NMT2: variants seen among roughly 807,000 people sequenced by gnomAD.
NMT2 encodes the protein N-myristoyltransferase 2, also known as glycylpeptide N-tetradecanoyltransferase 2.
Under a neutral mutation model 65.4 loss-of-function variants are expected in NMT2, and 35 were observed. The ratio of observed to expected loss-of-function variants is 0.54; its 90% CI spans 0.41 to 0.71. The LOEUF is 0.71. Ranked by LOEUF, NMT2 falls within the 30% of genes least tolerant of loss-of-function variation. The pLI is 0.00. For missense variants in NMT2, 489 were observed against 611.3 expected, an observed-to-expected ratio of 0.80 and a Z score of 2.11; for synonymous variants, 226 against 231.8, an observed-to-expected ratio of 0.98 and a Z score of 0.23.
At chr10:15,160,884 G>C (rs1015688836) in intron 1 of NMT2, among the ~76,000 whole-genome samples, 1 of 151,700 alleles carries the variant, frequency 6.6e-6, no homozygotes, top group Non-Finnish European at 1.5e-5. Context: ...CTGAAAACAA[G>C]TTAAAACAGA....
intron 8 of NMT2, among the ~76,000 whole-genome samples, chr10:15,124,482 A>G (rs1846018649): frequency 6.6e-6 from 1 of 152,222 alleles, no homozygotes; most frequent in Non-Finnish European, 1.5e-5. Context: ...AATGTCGAGC[A>G]TAACGCCGGC....
chr10:15,132,249 A>G (rs986715117), intron 6 of NMT2, among the ~76,000 whole-genome samples: 3 of 151,852 alleles, frequency 2.0e-5, no homozygotes, highest in African/African-American at 7.3e-5. Flanking sequence ...AAAAGAAACC[A>G]TTGTCCTTTA....
chr10:15,148,877 A>C (rs10906840), intron 1 of NMT2, among the ~76,000 whole-genome samples: 11,043 of 152,258 alleles, frequency 0.073, 715 homozygotes, highest in African/African-American at 0.18. Flanking sequence ...AAAGAGGCAG[A>C]CTTAACAACC....
Position 15,108,417 on chromosome 10 carries a change from C to A in NMT2, c.*778G>T. 1.5e-6 allele frequency: 1 copy of A among 687,444 alleles called. No homozygotes were observed. The highest frequency in any genetic ancestry group is 1.8e-6 in the Non-Finnish European group (1 of 558,466). 42.6% of individuals were successfully genotyped at this position (687,444 alleles called of 1,614,324 possible). On this transcript the variant is annotated 3_prime_UTR_variant, in exon 12 of 12. Transcript: ENST00000378165. Reference sequence around the variant, plus strand: ...GGCCAGAATGGTCTCGATCTCCTGACCTCATGATCTGCCCACCTTGGCCTC... The same window carrying A: ...GGCCAGAATGGTCTCGATCTCCTGAACTCATGATCTGCCCACCTTGGCCTC...
At chr10:15,125,987 C>T (rs1414003960) in intron 8 of NMT2, among the ~76,000 whole-genome samples, 9 of 151,728 alleles carry the variant, frequency 5.9e-5, no homozygotes, top group Non-Finnish European at 1.0e-4. Context: ...TCAATTCACA[C>T]GTCACAACAC....
In NMT2 at chr10:15,105,801, C is replaced by CA. The variant is rs1329965746; in HGVS notation, c.*3393dup. Among the ~76,000 whole-genome samples the CA allele has an allele frequency of 6.6e-5, 10 of 152,224 alleles. No individual in the cohort carries two copies. The highest frequency in any genetic ancestry group is 2.6e-4 in the Admixed American group (4 of 15,282). On this transcript the variant is annotated 3_prime_UTR_variant, in exon 12 of 12. Coordinates refer to ENST00000378165, the MANE Select transcript of NMT2 (RefSeq NM_004808.3). ...TTCAATTTAGTTTTAATAGCTACTTCATAAGCAAGCAGTTTAATTCTCGAA... is the reference window on the plus strand; with the variant it reads ...TTCAATTTAGTTTTAATAGCTACTTCAATAAGCAAGCAGTTTAATTCTCGAA...
intron 9 of NMT2, among the ~76,000 whole-genome samples, chr10:15,115,741 A>C (rs1845721443): frequency 6.6e-6 from 1 of 152,242 alleles, no homozygotes. Flanking sequence ...GTTTGAAAGT[A>C]AAAGGATGGA....
intron 2 of NMT2, among the ~76,000 whole-genome samples, chr10:15,136,995 T>C (rs1258046896): frequency 6.6e-6 from 1 of 152,212 alleles, no homozygotes; most frequent in Non-Finnish European, 1.5e-5. Context: ...AAGAATATTC[T>C]TCGCTGTAAT....
intron 1 of NMT2, chr10:15,155,141 CAAA>C: frequency 6.6e-6 from 10 of 1,511,542 alleles, no homozygotes; most frequent in Admixed American, 1.7e-5. Context: ...CACCCTGACA[CAAA>C]AGCCCTAGAA....
At chr10:15,149,078 TCAC>T (rs1248349700) in intron 1 of NMT2, among the ~76,000 whole-genome samples, 1 of 150,870 alleles carries the variant, frequency 6.6e-6, no homozygotes, top group Non-Finnish European at 1.5e-5. Context: ...ACCACCATCA[TCAC>T]CATCACCATA....
At chr10:15,116,572 G>A (rs1308350245) in intron 9 of NMT2, among the ~76,000 whole-genome samples, 1 of 152,018 alleles carries the variant, frequency 6.6e-6, no homozygotes, top group Non-Finnish European at 1.5e-5. Context: ...ATAAACACGA[G>A]GGTAGAAATC....
chr10:15,154,619 T>C (rs1211344147), intron 1 of NMT2, among the ~76,000 whole-genome samples: 1 of 152,166 alleles, frequency 6.6e-6, no homozygotes, highest in African/African-American at 2.4e-5. Flanking sequence ...TTCATAGTCA[T>C]AAACTTAACT....
chr10:15,141,104 T>TAA, intron 2 of NMT2: 1 of 1,333,340 alleles, frequency 7.5e-7, no homozygotes, highest in Non-Finnish European at 1.0e-6. Context: ...AATCAAATAT[T>TAA]AAAGTGTAAT....
chr10:15,135,746 T>C (rs1344944295), intron 2 of NMT2, among the ~76,000 whole-genome samples: 1 of 151,596 alleles, frequency 6.6e-6, no homozygotes, highest in Non-Finnish European at 1.5e-5. Flanking sequence ...TGCATTACTG[T>C]CATCCAACAG....
At chr10:15,167,065 A>C (rs375628709) in intron 1 of NMT2, among the ~76,000 whole-genome samples, 11 of 152,336 alleles carry the variant, frequency 7.2e-5, no homozygotes, top group African/African-American at 2.2e-4. Flanking sequence ...ATTTCTGGCA[A>C]TAGAACTACC....
intron 8 of NMT2, among the ~76,000 whole-genome samples, chr10:15,127,570 AT>A (rs1232948313): frequency 0.013 from 938 of 73,256 alleles, 34 homozygotes; most frequent in African/African-American, 0.032. Flanking sequence ...AAAAAAAAAA[AT>A]AAATAAATAA....
chr10:15,134,531 C>A (rs1166955460), intron 3 of NMT2, among the ~76,000 whole-genome samples: 2 of 152,226 alleles, frequency 1.3e-5, no homozygotes, highest in Non-Finnish European at 2.9e-5. Flanking sequence ...CGCTCCTCCC[C>A]AGCCTGGCCA....
intron 1 of NMT2, among the ~76,000 whole-genome samples, chr10:15,162,423 G>A (rs1201187464): frequency 1.3e-5 from 2 of 152,072 alleles, no homozygotes; most frequent in Non-Finnish European, 2.9e-5. Flanking sequence ...CAGTATGATA[G>A]CCACTAGTCA....
At chr10:15,145,836 C>G (rs1484168011) in intron 1 of NMT2, among the ~76,000 whole-genome samples, 3 of 152,148 alleles carry the variant, frequency 2.0e-5, no homozygotes, top group African/African-American at 7.2e-5. Flanking sequence ...AGCCAGGGGT[C>G]TGCGTCCCAC....
Sources: allele counts gnomAD v4.1 joint callset (sites outside exome capture counted in the v4.1 genomes callset), GRCh38; gene constraint gnomAD v4.1.1; transcripts MANE v1.5; gene names NCBI Gene and HGNC (gene_info 2026-07-23, HGNC 2026-07-21).